Variants in FKBP5 observed in about 807,000 individuals in gnomAD.
The protein encoded by FKBP5 is peptidyl-prolyl cis-trans isomerase FKBP5.
Under a neutral mutation model 50.5 loss-of-function variants are expected in FKBP5, and 23 were observed. The observed-to-expected ratio is 0.46, with a 90% CI of 0.33 to 0.65. The LOEUF (loss-of-function observed/expected upper bound fraction) is 0.65, where lower values mean the gene tolerates loss of function less well. FKBP5 is among the 30% of genes least tolerant of loss of function. FKBP5 has a pLI of 0.02. For missense variants in FKBP5, 411 were observed against 553.1 expected (o/e 0.74, Z 2.58); for synonymous variants, 176 against 190.6 (o/e 0.92, Z 0.63).
At chr6:35,578,072 A>G (rs968161944) in intron 9 of FKBP5, among the ~76,000 whole-genome samples, 1 of 152,006 alleles carries the variant, frequency 6.6e-6, no homozygotes, top group African/African-American at 2.4e-5. Flanking sequence ...AAAAAAAAAA[A>G]AAAGTTCTTA....
upstream of FKBP5, chr6:35,689,023 C>T (rs1765926053): frequency 6.6e-6 from 1 of 152,008 alleles, no homozygotes; most frequent in Admixed American, 6.5e-5. Context: ...TGTCAGTCCG[C>T]CCCCAAAAGG....
chr6:35,706,185 A>T (rs1280904203), intron 2 of FKBP5, among the ~76,000 whole-genome samples: 1 of 152,202 alleles, frequency 6.6e-6, no homozygotes, highest in African/African-American at 2.4e-5. Context: ...GCACTTTGGG[A>T]GGCCGAGACG....
chr6:35,606,011 A>G (rs1464479586), intron 5 of FKBP5, among the ~76,000 whole-genome samples: 1 of 152,248 alleles, frequency 6.6e-6, no homozygotes, highest in Non-Finnish European at 1.5e-5. Flanking sequence ...GCCTAGGCAA[A>G]TAATTTATGA....
chr6:35,719,694 A>G (rs1766574178), intron 2 of FKBP5, among the ~76,000 whole-genome samples: 1 of 152,146 alleles, frequency 6.6e-6, no homozygotes, highest in African/African-American at 2.4e-5. Context: ...TCCAGACACC[A>G]TGTGCCTCTT....
chr6:35,697,092 A>G (rs1344876240), intron 2 of FKBP5, among the ~76,000 whole-genome samples: 1 of 152,244 alleles, frequency 6.6e-6, no homozygotes, highest in Admixed American at 6.5e-5. Flanking sequence ...TATTTATCCA[A>G]AAGAATTAAA....
chr6:35,586,489 C>T (rs77612799), intron 8 of FKBP5: 31,861 of 987,878 alleles, frequency 0.032, 577 homozygotes, highest in South Asian at 0.038. Context: ...AAGATGGGCC[C>T]GGTGCAGTGG....
At chr6:35,677,671 T>C (rs531102370) in intron 1 of FKBP5, among the ~76,000 whole-genome samples, 58 of 152,326 alleles carry the variant, frequency 3.8e-4, no homozygotes, top group Admixed American at 1.5e-3. Context: ...ATTCACCAGG[T>C]TATCTGAGCT....
intron 2 of FKBP5, among the ~76,000 whole-genome samples, chr6:35,709,253 AG>A (rs1420143220): frequency 6.6e-6 from 1 of 152,168 alleles, no homozygotes; most frequent in Non-Finnish European, 1.5e-5. Flanking sequence ...GGATCTCGTG[AG>A]ACTTATTCAC....
chr6:35,701,227 G>GTTTTTTTT (rs1325192481), intron 2 of FKBP5, among the ~76,000 whole-genome samples: 1 of 80,612 alleles, frequency 1.2e-5, no homozygotes, highest in African/African-American at 5.3e-5. Flanking sequence ...TTGTTTGTTT[G>GTTTTTTTT]TTTTTGTTTT....
chr6:35,639,227 C>CT (rs1764409365), intron 2 of FKBP5, among the ~76,000 whole-genome samples: 1 of 152,110 alleles, frequency 6.6e-6, no homozygotes, highest in Admixed American at 6.5e-5. Flanking sequence ...CCTAATAACT[C>CT]TATGAGGTTG....
upstream of FKBP5, chr6:35,688,953 C>T: frequency 6.6e-6 from 1 of 151,610 alleles, no homozygotes; most frequent in Non-Finnish European, 1.5e-5. Context: ...CCCGGGGCAG[C>T]GCCCGGCGCC....
rs997037597 is a variant in FKBP5, at chr6:35,601,465, G to A, written c.509-4061C>T. On this transcript the variant is annotated intron_variant, in intron 5 of 10. Transcript: ENST00000357266. ...GAACTCACACACCACTTGGAGCCAC[G>A]GAAAGACTGCTGATTGCCACAGTAG... is the stretch of plus-strand genomic sequence containing the variant. Among the ~76,000 whole-genome samples, 6 of 152,274 alleles carry A rather than the reference G, an allele frequency of 3.9e-5. No homozygotes were observed. The South Asian group carries it at 6.2e-4, about 16-fold the overall frequency.
intron 5 of FKBP5, among the ~76,000 whole-genome samples, chr6:35,615,155 T>A (rs988378686): frequency 7.0e-5 from 10 of 143,444 alleles, no homozygotes; most frequent in Non-Finnish European, 9.1e-5. Context: ...CAACAACAAC[T>A]ACACACACAC....
intron 3 of FKBP5, among the ~76,000 whole-genome samples, chr6:35,632,471 G>A (rs1764189508): frequency 2.0e-5 from 3 of 152,038 alleles, no homozygotes; most frequent in Admixed American, 6.5e-5. Context: ...CTGAATGCTA[G>A]GCGATGGTGT....
At chr6:35,591,006 A>G (rs1263782914) in intron 7 of FKBP5, 124 bp downstream of exon 7, 1 of 579,976 alleles carries the variant, frequency 1.7e-6, no homozygotes, top group Non-Finnish European at 3.0e-6. Context: ...TGGAGGCAAG[A>G]GACAAACTTG....
chr6:35,618,777 C>G (rs1479669251), intron 5 of FKBP5, among the ~76,000 whole-genome samples: 1 of 152,036 alleles, frequency 6.6e-6, no homozygotes, highest in Non-Finnish European at 1.5e-5. Context: ...TCACTGCAAC[C>G]CCTGCCTCCC....
chr6:35,597,819 C>T (rs2150964468), intron 5 of FKBP5, among the ~76,000 whole-genome samples: 3 of 152,210 alleles, frequency 2.0e-5, no homozygotes, highest in Admixed American at 2.0e-4. Context: ...GATGCTTGGG[C>T]CAAAAAGCCA....
rs73748213 is a variant in FKBP5, at chr6:35,648,192, C to A, written c.-19-5349G>T. 7.2e-3 allele frequency among the ~76,000 whole-genome samples: 1,104 copies of A among 152,302 alleles called. 13 individuals are homozygous for A. The highest frequency in any genetic ancestry group is 0.025 in the African/African-American group (1,044 of 41,554). ...TGCAGTCAGACATGGTTGAGAACCA[C>A]TGGACATTTCTCCCATTTTTCATCT... On this transcript the variant is annotated intron_variant, in intron 1 of 10. Transcript: ENST00000357266.
intron 5 of FKBP5, among the ~76,000 whole-genome samples, chr6:35,603,983 G>T (rs1022566534): frequency 2.0e-5 from 3 of 151,734 alleles, no homozygotes; most frequent in Non-Finnish European, 2.9e-5. Context: ...TGGGATTACA[G>T]GTGTGAGCCA....
Sources: gnomAD v4.1 joint callset for allele counts (sites outside exome capture counted in the v4.1 genomes callset) on GRCh38, gnomAD v4.1.1 for gene constraint, MANE v1.5 for transcripts, NCBI Gene and HGNC (gene_info 2026-07-23, HGNC 2026-07-21) for gene names.